The following FDFT1 variants were observed in gnomAD, a reference collection of about 807,000 sequenced individuals.
FDFT1 encodes the protein farnesyl-diphosphate farnesyltransferase 1, also known as squalene synthase.
A neutral mutation model predicts 46.8 loss-of-function variants in FDFT1; 68 were observed. That is an observed-to-expected ratio of 1.45 (90% CI 1.19 to 1.78). FDFT1 has a LOEUF of 1.78. FDFT1 is among the 40% of genes most tolerant of loss of function. FDFT1 has a pLI of 0.00. For missense variants in FDFT1, 928 were observed against 524.4 expected (o/e 1.77, Z -7.52); for synonymous variants, 351 against 185.1 (o/e 1.90, Z -7.28).
intron 3 of FDFT1, among the ~76,000 whole-genome samples, chr8:11,819,485 C>A (rs6989363): frequency 0.2 from 30,105 of 152,042 alleles, 3,667 homozygotes; most frequent in African/African-American, 0.35. Context: ...TCAGGTACAA[C>A]AATCATAGCA....
intron 3 of FDFT1, 33 bp downstream of exon 3, chr8:11,809,883 G>A (rs376625138): frequency 1.4e-5 from 21 of 1,553,404 alleles, no homozygotes; most frequent in Non-Finnish European, 1.8e-5. Flanking sequence ...TCTACGGACT[G>A]TTGTGTTCAT....
chr8:11,802,460 G>A, upstream of FDFT1: 2 of 467,108 alleles, frequency 4.3e-6, no homozygotes, highest in South Asian at 1.5e-5. Context: ...GCCGGGGTAA[G>A]CGGAAGAAAA....
At chr8:11,829,659 G>C (rs1467014095) in intron 5 of FDFT1, among the ~76,000 whole-genome samples, 1 of 152,094 alleles carries the variant, frequency 6.6e-6, no homozygotes, top group Non-Finnish European at 1.5e-5. Context: ...CGTCCAAGTA[G>C]TGCAGTGTTG....
At chr8:11,830,976 A>G (rs1298295) in intron 6 of FDFT1, among the ~76,000 whole-genome samples, 1 of 152,018 alleles carries the variant, frequency 6.6e-6, no homozygotes, top group Non-Finnish European at 1.5e-5. Context: ...TCTAATGACC[A>G]ACTTCGAATG....
chr8:11,799,262 C>G (rs900825231), upstream of FDFT1, among the ~76,000 whole-genome samples: 1 of 152,230 alleles, frequency 6.6e-6, no homozygotes, highest in African/African-American at 2.4e-5. Flanking sequence ...TTACTGAGAT[C>G]AATCTCTTGA....
chr8:11,838,190 G>A (rs755349901), intron 7 of FDFT1, among the ~76,000 whole-genome samples, 198 bp from the exon 8 acceptor site: 3 of 152,174 alleles, frequency 2.0e-5, no homozygotes, highest in Non-Finnish European at 4.4e-5. Context: ...AGGAAGACAG[G>A]CTTTGAGATG....
chr8:11,817,219 C>A (rs777087902), intron 3 of FDFT1, among the ~76,000 whole-genome samples: 1 of 152,106 alleles, frequency 6.6e-6, no homozygotes, highest in African/African-American at 2.4e-5. Context: ...GGGATGAAGC[C>A]GACTTGATCG....
chr8:11,829,715 C>A (rs558375752), intron 5 of FDFT1, among the ~76,000 whole-genome samples: 2 of 152,176 alleles, frequency 1.3e-5, no homozygotes, highest in Admixed American at 6.5e-5. Flanking sequence ...TAACTCACTT[C>A]CAGGTTGCAA....
chr8:11,837,761 CGTT>C lies in FDFT1; in HGVS notation c.1033-625_1033-623del, dbSNP rs370744246. On this transcript the variant is annotated intron_variant, in intron 7 of 7. Transcript: ENST00000220584. ...ATTTGGGAATTTAAGCTTAGACTCA[CGTT>C]GGAGACTGAGATAGCTCATCTGAGA... is the stretch of plus-strand genomic sequence containing the variant. 1.2e-3 allele frequency among the ~76,000 whole-genome samples: 177 copies of C among 152,238 alleles called. 1 individual carries two copies. The highest frequency in any genetic ancestry group is 4.2e-3 in the African/African-American group (174 of 41,516).
chr8:11,820,941 C>A (rs1809150332), intron 3 of FDFT1, among the ~76,000 whole-genome samples: 1 of 152,230 alleles, frequency 6.6e-6, no homozygotes, highest in African/African-American at 2.4e-5. Context: ...AATCACCCAT[C>A]TTCTGCATCG....
At chr8:11,818,303 A>G (rs2130790271) in intron 3 of FDFT1, among the ~76,000 whole-genome samples, 1 of 152,310 alleles carries the variant, frequency 6.6e-6, no homozygotes, top group South Asian at 2.1e-4. Flanking sequence ...TTTTAGAATA[A>G]GTGCGATGTG....
intron 3 of FDFT1, among the ~76,000 whole-genome samples, chr8:11,820,804 C>T (rs1809127779): frequency 6.6e-6 from 1 of 152,196 alleles, no homozygotes; most frequent in African/African-American, 2.4e-5. Flanking sequence ...AAGGGAAATC[C>T]CCTGACCCCT....
upstream of FDFT1, among the ~76,000 whole-genome samples, chr8:11,799,838 C>T (rs530012591): frequency 3.3e-5 from 5 of 151,060 alleles, no homozygotes; most frequent in South Asian, 8.4e-4. Context: ...TCCAGCTACT[C>T]GGGAGGCTAA....
At chr8:11,803,115 G>A in intron 1 of FDFT1, 184 bp downstream of exon 1, 1 of 1,431,204 alleles carries the variant, frequency 7.0e-7, no homozygotes, top group South Asian at 1.5e-5. Context: ...CGGCCGTCCT[G>A]GCTGACCTGT....
chr8:11,808,580 T>G, intron 1 of FDFT1: 1 of 1,386,266 alleles, frequency 7.2e-7, no homozygotes, highest in Non-Finnish European at 9.3e-7. Context: ...TGGTGCTGAG[T>G]CCCGCCGCGG....
chr8:11,821,808 G>C lies in FDFT1; in HGVS notation c.440G>C (p.Cys147Ser). The change falls in exon 4 of 8, where the codon TGC becomes TCC. Residue 147 changes from cysteine to serine, a missense_variant. Transcript: ENST00000220584. ...EKYQTVIADI[C>S]RRMGIGMAEF... ...TACCAAACAGTGATTGCCGACATTT[G>C]CCGGAGAATGGGCATTGGGATGGCA... 6.2e-7 allele frequency: 1 copy of C among 1,613,752 alleles called. No homozygotes were observed. Among genetic ancestry groups the C allele is most frequent in the Non-Finnish European group, 8.5e-7 (1 of 1,179,712 alleles).
chr8:11,809,117 G>C, intron 2 of FDFT1: 5 of 1,305,564 alleles, frequency 3.8e-6, no homozygotes, highest in African/African-American at 1.5e-5. Context: ...AGGGGGGAGG[G>C]GGTGATGTTT....
chr8:11,827,356 T>G (rs978689329), intron 5 of FDFT1, among the ~76,000 whole-genome samples: 115 of 152,096 alleles, frequency 7.6e-4, no homozygotes, highest in African/African-American at 2.6e-3. Flanking sequence ...AAAATAAAAC[T>G]AAATTTAAAA....
intron 3 of FDFT1, among the ~76,000 whole-genome samples, chr8:11,815,919 G>A (rs1808381615): frequency 6.6e-6 from 1 of 152,156 alleles, no homozygotes; most frequent in African/African-American, 2.4e-5. Context: ...TGCTTTTGGT[G>A]TTTTAGTCAT....
Sources: allele counts gnomAD v4.1 joint callset (sites outside exome capture counted in the v4.1 genomes callset), GRCh38; gene constraint gnomAD v4.1.1; transcripts MANE v1.5; gene names NCBI Gene and HGNC (gene_info 2026-07-23, HGNC 2026-07-21).